Variants in C1orf74 observed in about 807,000 individuals in gnomAD.
C1orf74 encodes chromosome 1 open reading frame 74.
A neutral mutation model predicts 7.3 loss-of-function variants in C1orf74; 5 were observed. The ratio of observed to expected loss-of-function variants is 0.68; its 90% confidence interval spans 0.36 to 1.44. C1orf74 has a LOEUF of 1.44. C1orf74 is among the 40% of genes most tolerant of loss of function. C1orf74 has a pLI of 0.04. For synonymous variants in C1orf74, 121 were observed against 132.5 expected, an observed-to-expected ratio of 0.91 and a Z score of 0.59; for missense variants, 291 against 314.3, an observed-to-expected ratio of 0.93 and a Z score of 0.56.
chr1:209,782,708 C>T lies in C1orf74; in HGVS notation c.*117G>A. On this transcript the variant is annotated 3_prime_UTR_variant, in exon 2 of 2. Coordinates refer to ENST00000294811, the MANE Select transcript of C1orf74 (RefSeq NM_152485.4). ...GCATTTGTGGCCAACTGATCTACAG[C>T]ATTGTGCCTTAGTGTATTCAAGACA... 9.4e-7 allele frequency: 1 copy of T among 1,065,642 alleles called. No individual in the cohort carries two copies. Among genetic ancestry groups the T allele is most frequent in the Admixed American group, 2.2e-5 (1 of 46,374 alleles). 66.0% of individuals were successfully genotyped at this position (1,065,642 alleles called of 1,614,324 possible). A position where few individuals can be genotyped will look rare whatever the true frequency, so the allele number is the denominator to read the frequency against.
In C1orf74 at chr1:209,779,918, A is replaced by G. The variant is rs1002869867; in HGVS notation, c.*2907T>C. 1 of 175,674 alleles carries G rather than the reference A, an allele frequency of 5.7e-6. No individual in the cohort carries two copies. Among genetic ancestry groups the G allele is most frequent in the African/African-American group, 2.4e-5 (1 of 41,980 alleles). 10.9% of individuals were successfully genotyped at this position (175,674 alleles called of 1,614,324 possible). On this transcript the variant is annotated 3_prime_UTR_variant, in exon 2 of 2. Coordinates refer to ENST00000294811, the MANE Select transcript of C1orf74 (RefSeq NM_152485.4). Reference sequence around the variant, plus strand: ...TTTATGCTCACAGAGTATGGATAAGAACATGAAAGTCTATGGTGACACAAA... The same window carrying G: ...TTTATGCTCACAGAGTATGGATAAGGACATGAAAGTCTATGGTGACACAAA...
At position 209,781,363 on chromosome 1, in the gene C1orf74, G is replaced by C. The variant is rs1344358875; in HGVS notation, c.*1462C>G. 1 of 1,612,894 alleles carries C rather than the reference G, an allele frequency of 6.2e-7. No homozygotes were observed. Among genetic ancestry groups the C allele is most frequent in the Non-Finnish European group, 8.5e-7 (1 of 1,179,192 alleles). On this transcript the variant is annotated 3_prime_UTR_variant, in exon 2 of 2. Coordinates refer to ENST00000294811, the MANE Select transcript of C1orf74 (RefSeq NM_152485.4). ...TCCCCAGTGCAGAGAACTGCATTCA[G>C]AATTAGACAACCTCAGTGACGAGTA...
In C1orf74 at chr1:209,781,505, T is replaced by A. The variant is rs1407327589; in HGVS notation, c.*1320A>T. On this transcript the variant is annotated 3_prime_UTR_variant, in exon 2 of 2. Transcript: ENST00000294811. Reference sequence around the variant, plus strand: ...ATAAAGCCCTGGATGATGGGACGATTCCTTCTTTAACCAAGTTTTGCACAT... The same window carrying A: ...ATAAAGCCCTGGATGATGGGACGATACCTTCTTTAACCAAGTTTTGCACAT... The A allele has an allele frequency of 2.1e-6, 3 of 1,423,218 alleles. No homozygotes were observed. In the South Asian group the frequency reaches 3.5e-5, roughly 16 times the overall value. The allele number at this position is 1,423,218 out of a possible 1,614,324, so 88.2% of individuals were successfully genotyped here.
Position 209,782,995 on chromosome 1 carries a change from G to A in C1orf74, c.640C>T (p.Pro214Ser), listed in dbSNP as rs767580877. The A allele has an allele frequency of 1.9e-5, 31 of 1,614,060 alleles. No individual in the cohort carries two copies. Among genetic ancestry groups the A allele is most frequent in the African/African-American group, 4.0e-5 (3 of 74,912 alleles). ...CTAAAAGAATAGAGCAGGATTGGGG[G>A]TTGACCTAGCAACCATGAGATCCGG... is the stretch of plus-strand genomic sequence containing the variant. Reference protein sequence around the residue: ...TARISWLLGQPPILLYSFSVP... With the variant: ...TARISWLLGQSPILLYSFSVP... The change falls in exon 2 of 2, where the codon CCC (proline) becomes TCC (serine). Residue 214 changes from proline to serine, a missense_variant. Transcript: ENST00000294811.
Position 209,780,473 on chromosome 1 carries a change from A to G in C1orf74, c.*2352T>C. 4 of 1,557,926 alleles carry G rather than the reference A, an allele frequency of 2.6e-6. No homozygotes were observed. Among genetic ancestry groups the G allele is most frequent in the African/African-American group, 1.4e-5 (1 of 72,638 alleles). On this transcript the variant is annotated 3_prime_UTR_variant, in exon 2 of 2. Coordinates refer to ENST00000294811, the MANE Select transcript of C1orf74 (RefSeq NM_152485.4). ...AAGAATCTGGCTGCTTTTTTAGATC[A>G]GGCTTTGCCCGTGTGGAGTCCAAAG...
Position 209,779,842 on chromosome 1 carries a change from T to C in C1orf74, c.*2983A>G, listed in dbSNP as rs1418808202. The C allele has an allele frequency of 3.8e-6, 1 of 260,984 alleles. No individual in the cohort carries two copies. Among genetic ancestry groups the C allele is most frequent in the Non-Finnish European group, 7.3e-6 (1 of 136,296 alleles). The allele number at this position is 260,984 out of a possible 1,614,324, so 16.2% of individuals were successfully genotyped here. A position where few individuals can be genotyped will look rare whatever the true frequency, so the allele number is the denominator to read the frequency against. ...CACCTGTCCACTACACACGACCTTT[T>C]GTTTTCTCTTCACAATCATTGGGCA... is the stretch of plus-strand genomic sequence containing the variant. On this transcript the variant is annotated 3_prime_UTR_variant, in exon 2 of 2. Transcript: ENST00000294811.
rs779181041 is a variant in C1orf74, at chr1:209,779,494, C to T, written c.*3331G>A. 2 of 849,466 alleles carry T rather than the reference C, an allele frequency of 2.4e-6. No homozygotes were observed. Among genetic ancestry groups the T allele is most frequent in the South Asian group, 2.8e-5 (2 of 71,854 alleles). The allele number at this position is 849,466 out of a possible 1,614,324, so 52.6% of individuals were successfully genotyped here. A position where few individuals can be genotyped will look rare whatever the true frequency, so the allele number is the denominator to read the frequency against. On this transcript the variant is annotated 3_prime_UTR_variant, in exon 2 of 2. Coordinates refer to ENST00000294811, the MANE Select transcript of C1orf74 (RefSeq NM_152485.4). The stretch of plus-strand genomic sequence containing the variant: ...GCCAGTTCTGGGAGTCTGTTAAGTC[C>T]GGGATGTGTGGGAGCTTTTTAAGGA...
chr1:209,780,730 C>A lies in C1orf74; in HGVS notation c.*2095G>T, dbSNP rs2077759568. On this transcript the variant is annotated 3_prime_UTR_variant, in exon 2 of 2. Transcript: ENST00000294811. ...GTGGATAACCACAGACATTCATTTGCCTACATAAAGTGTCTGTGCTTTTGG... is the reference window on the plus strand; with the variant it reads ...GTGGATAACCACAGACATTCATTTGACTACATAAAGTGTCTGTGCTTTTGG... The A allele has an allele frequency of 3.2e-6, 3 of 927,714 alleles. No individual in the cohort carries two copies. The highest frequency in any genetic ancestry group is 3.1e-5 in the South Asian group (1 of 31,810). 57.5% of individuals were successfully genotyped at this position (927,714 alleles called of 1,614,324 possible).
In C1orf74 at chr1:209,780,480, G is replaced by T. The variant is rs1317693349; in HGVS notation, c.*2345C>A. ...TGGCTGCTTTTTTAGATCAGGCTTT[G>T]CCCGTGTGGAGTCCAAAGTCCTTCC... On this transcript the variant is annotated 3_prime_UTR_variant, in exon 2 of 2. Coordinates refer to ENST00000294811, the MANE Select transcript of C1orf74 (RefSeq NM_152485.4). 1.3e-6 allele frequency: 2 copies of T among 1,588,660 alleles called. No individual in the cohort carries two copies. The highest frequency in any genetic ancestry group is 4.6e-5 in the East Asian group (2 of 43,574).
At position 209,781,334 on chromosome 1, in the gene C1orf74, G is replaced by A. The variant is rs374280838; in HGVS notation, c.*1491C>T. ...AAGTGACAGTGATGACTTTGGTGAT[G>A]TTCTCCCCAGTGCAGAGAACTGCAT... On this transcript the variant is annotated 3_prime_UTR_variant, in exon 2 of 2. Coordinates refer to ENST00000294811, the MANE Select transcript of C1orf74 (RefSeq NM_152485.4). 3.7e-5 allele frequency: 59 copies of A among 1,588,700 alleles called. No individual in the cohort carries two copies. The highest frequency in any genetic ancestry group is 4.7e-5 in the Non-Finnish European group (55 of 1,158,076).
rs1293294217 is a variant in C1orf74, at chr1:209,783,492, C to G, written c.143G>C (p.Arg48Pro). ...ATAGAGCACAGCTGGCTTCAGTCCC[C>G]GGGCCACAGCCAGCACCTCTCCAGC... ...HLAGEVLAVA[R>P]GLKPAVLYDC... The change falls in exon 2 of 2, where the codon CGG becomes CCG. Residue 48 changes from arginine to proline, a missense_variant. Coordinates refer to ENST00000294811, the MANE Select transcript of C1orf74 (RefSeq NM_152485.4). 2 of 1,613,532 alleles carry G rather than the reference C, an allele frequency of 1.2e-6. No individual in the cohort carries two copies.
chr1:209,781,657 A>G lies in C1orf74; in HGVS notation c.*1168T>C, dbSNP rs1230176444. ...TCCATCAAAGCCCAACTTTCACAGAACTCTCAATGCCAGAAGGAAAGACTT... is the reference window on the plus strand; with the variant it reads ...TCCATCAAAGCCCAACTTTCACAGAGCTCTCAATGCCAGAAGGAAAGACTT... On this transcript the variant is annotated 3_prime_UTR_variant, in exon 2 of 2. Coordinates refer to ENST00000294811, the MANE Select transcript of C1orf74 (RefSeq NM_152485.4). 2 of 513,646 alleles carry G rather than the reference A, an allele frequency of 3.9e-6. No individual in the cohort carries two copies. The highest frequency in any genetic ancestry group is 7.0e-6 in the Non-Finnish European group (2 of 286,172). The allele number at this position is 513,646 out of a possible 1,614,324, so 31.8% of individuals were successfully genotyped here.
At position 209,783,594 on chromosome 1, in the gene C1orf74, A is replaced by G. The variant is rs2077812886; in HGVS notation, c.41T>C (p.Leu14Pro). 2 of 1,609,372 alleles carry G rather than the reference A, an allele frequency of 1.2e-6. No homozygotes were observed. The highest frequency in any genetic ancestry group is 1.7e-6 in the Non-Finnish European group (2 of 1,178,110). The stretch of plus-strand genomic sequence containing the variant: ...GGTCTGCTGAGCAGCTGCCACCAGC[A>G]GCTGAGGGCTCGGTGATGACATGAG... ...LDLMSSPSPQLLVAAAQQTLG... is the reference protein window; with the variant it reads ...LDLMSSPSPQPLVAAAQQTLG... Residue 14 changes from leucine (L) to proline (P), a missense_variant, in exon 2 of 2, where the codon CTG (leucine) becomes CCG (proline). Coordinates refer to ENST00000294811, the MANE Select transcript of C1orf74 (RefSeq NM_152485.4).
rs758779787 is a variant in C1orf74 at position 209,783,501 on chromosome 1, G to A, written c.134C>T (p.Ala45Val). The A allele has an allele frequency of 6.8e-6, 11 of 1,614,172 alleles. No homozygotes were observed. Among genetic ancestry groups the A allele is most frequent in the Non-Finnish European group, 9.3e-6 (11 of 1,180,024 alleles). Residue 45 changes from alanine to valine, a missense_variant, in exon 2 of 2, where the codon GCT becomes GTT. Physicochemically the swap from Ala to Val is moderately conservative, Grantham distance 64. Transcript: ENST00000294811. ...AGCTGGCTTCAGTCCCCGGGCCACA[G>A]CCAGCACCTCTCCAGCTAAGTGAAG... Reference protein sequence around the residue: ...ICLHLAGEVLAVARGLKPAVL... With the variant: ...ICLHLAGEVLVVARGLKPAVL...
Position 209,779,350 on chromosome 1 carries a change from C to G in C1orf74, c.*3475G>C. ...AAATCAATCCTTACAGCTTCAAGAA[C>G]AGGAGAAACTCTTAACAAAGAAAGG... On this transcript the variant is annotated 3_prime_UTR_variant, in exon 2 of 2. Coordinates refer to ENST00000294811, the MANE Select transcript of C1orf74 (RefSeq NM_152485.4). 1 of 1,614,132 alleles carries G rather than the reference C, an allele frequency of 6.2e-7. No homozygotes were observed. The highest frequency in any genetic ancestry group is 8.5e-7 in the Non-Finnish European group (1 of 1,179,956).
chr1:209,782,227 C>T lies in C1orf74; in HGVS notation c.*598G>A, dbSNP rs751458311. Reference sequence around the variant, plus strand: ...AAACTCAGAAGGTTTGGGTACATTACAGCTTGGGTTTTCCAACTGACTTAG... The same window carrying T: ...AAACTCAGAAGGTTTGGGTACATTATAGCTTGGGTTTTCCAACTGACTTAG... On this transcript the variant is annotated 3_prime_UTR_variant, in exon 2 of 2. Transcript: ENST00000294811. 48 of 1,151,398 alleles carry T rather than the reference C, an allele frequency of 4.2e-5. No homozygotes were observed. Among genetic ancestry groups the T allele is most frequent in the African/African-American group, 6.1e-5 (4 of 65,748 alleles). 71.3% of individuals were successfully genotyped at this position (1,151,398 alleles called of 1,614,324 possible). A position where few individuals can be genotyped will look rare whatever the true frequency, so the allele number is the denominator to read the frequency against.
Position 209,782,394 on chromosome 1 carries a change from T to C in C1orf74, c.*431A>G, listed in dbSNP as rs753849030. ...ATATTTAAGCATACTGGTGGTCTAC[T>C]CTCCTCAAATTCAGTTGGAGGCATA... On this transcript the variant is annotated 3_prime_UTR_variant, in exon 2 of 2. Transcript: ENST00000294811. The C allele has an allele frequency of 1.2e-5, 6 of 509,042 alleles. No individual in the cohort carries two copies. The highest frequency in any genetic ancestry group is 2.1e-5 in the Non-Finnish European group (6 of 282,838). The allele number at this position is 509,042 out of a possible 1,614,324, so 31.5% of individuals were successfully genotyped here. A position where few individuals can be genotyped will look rare whatever the true frequency, so the allele number is the denominator to read the frequency against.
In C1orf74 at chr1:209,783,211, T is replaced by TG; in HGVS notation, c.423_424insC (p.Ile142HisfsTer51). The TG allele has an allele frequency of 6.2e-7, 1 of 1,614,078 alleles. No homozygotes were observed. Among genetic ancestry groups the TG allele is most frequent in the Non-Finnish European group, 8.5e-7 (1 of 1,180,012 alleles). On this transcript the variant is annotated frameshift_variant, in exon 2 of 2. Coordinates refer to ENST00000294811, the MANE Select transcript of C1orf74 (RefSeq NM_152485.4). LOFTEE classifies it high-confidence loss of function. ...TGCAGCCCCTGCAAATGTGTGATGA[T>TG]CTCAGCCACGAGGGCCTTCAAGTCC... is the stretch of plus-strand genomic sequence containing the variant.
chr1:209,781,399 C>A lies in C1orf74; in HGVS notation c.*1426G>T. On this transcript the variant is annotated 3_prime_UTR_variant, in exon 2 of 2. Coordinates refer to ENST00000294811, the MANE Select transcript of C1orf74 (RefSeq NM_152485.4). ...CCTCAGTGACGAGTATCTCTCCTGC[C>A]TGCGTAAGCTGCAGCACTGTCGAGA... 6.2e-7 allele frequency: 1 copy of A among 1,613,794 alleles called. No individual in the cohort carries two copies. Among genetic ancestry groups the A allele is most frequent in the East Asian group, 2.2e-5 (1 of 44,882 alleles).
Sources: gnomAD v4.1 joint callset for allele counts on GRCh38, gnomAD v4.1.1 for gene constraint, MANE v1.5 for transcripts, NCBI Gene and HGNC (gene_info 2026-07-23, HGNC 2026-07-21) for gene names.